Variants in ADCY1 observed in about 807,000 individuals in gnomAD.
The protein encoded by ADCY1 is adenylate cyclase 1, also known as adenylate cyclase type 1.
In ADCY1, 28 loss-of-function variants were observed where a neutral mutation model predicts 105.4. That is an observed-to-expected ratio of 0.27 (90% CI 0.20 to 0.36). The LOEUF (loss-of-function observed/expected upper bound fraction) is 0.36. Among genes scored for constraint, ADCY1 ranks in the 10% least tolerant of loss-of-function variants. The pLI is 1.00. For synonymous variants in ADCY1, 655 were observed against 623.8 expected, an observed-to-expected ratio of 1.05 and a Z score of -0.75; for missense variants, 977 against 1,434.2, an observed-to-expected ratio of 0.68 and a Z score of 5.15.
chr7:45,703,597 C>A lies in ADCY1; in HGVS notation c.2572-3C>A. On this transcript the variant is annotated splice_polypyrimidine_tract_variant and splice_region_variant and intron_variant, in intron 15 of 19. Coordinates refer to ENST00000297323, the MANE Select transcript of ADCY1 (RefSeq NM_021116.4). This position sits in a 1 kb window ranked among gnomAD's most constrained non-coding sequence, Gnocchi z 5.9. ...CTTCCTGACCCATCCTTTGAACTTC[C>A]AGGACCTCTACTACCAGTCCTACTC... is the stretch of plus-strand genomic sequence containing the variant. The A allele has an allele frequency of 6.2e-7, 1 of 1,611,554 alleles. No individual in the cohort carries two copies. The highest frequency in any genetic ancestry group is 1.1e-5 in the South Asian group (1 of 90,634).
chr7:45,711,918 A>ATTATATTAAATATATAAATATAT (rs1785252728), intron 19 of ADCY1, among the ~76,000 whole-genome samples: 2 of 109,760 alleles, frequency 1.8e-5, no homozygotes, highest in African/African-American at 3.6e-5. Flanking sequence ...ATATAAATAT[A>ATTATATTAAATATATAAATATAT]TTATATATTA....
In ADCY1 at chr7:45,713,699, G is replaced by A. The variant is rs1785308965; in HGVS notation, c.3064G>A (p.Glu1022Lys). The change falls in exon 20 of 20, where the codon GAG becomes AAG. Residue 1022 changes from glutamate to lysine, a missense_variant. Physicochemically the swap from Glu to Lys is moderately conservative, Grantham distance 56 (BLOSUM62 1). Coordinates refer to ENST00000297323, the MANE Select transcript of ADCY1 (RefSeq NM_021116.4). ...CACTTCTCTCCATCAACAGGTGACTGAGGAAGTCCACCGGCTGCTGAGAAG... is the reference window on the plus strand; with the variant it reads ...CACTTCTCTCCATCAACAGGTGACTAAGGAAGTCCACCGGCTGCTGAGAAG... ...TGVQGRIQVTEEVHRLLRRCP... is the reference protein window; with the variant it reads ...TGVQGRIQVTKEVHRLLRRCP... The A allele has an allele frequency of 1.3e-6, 1 of 779,894 alleles. No individual in the cohort carries two copies. The allele number at this position is 779,894 out of a possible 1,614,324, so 48.3% of individuals were successfully genotyped here.
intron 19 of ADCY1, 34 bp from the exon 20 acceptor site, chr7:45,713,659 C>A: frequency 2.6e-6 from 2 of 762,916 alleles, no homozygotes; most frequent in Non-Finnish European, 2.4e-6. Context: ...CCCCTCATTG[C>A]CCTGAAGTAA....
At chr7:45,632,776 C>T (rs893039421) in intron 4 of ADCY1, among the ~76,000 whole-genome samples, 5 of 151,814 alleles carry the variant, frequency 3.3e-5, no homozygotes, top group African/African-American at 1.2e-4. Flanking sequence ...CACCATGTTG[C>T]CCAGGCTGGT....
At chr7:45,600,231 AGAT>A (rs1793192728) in intron 2 of ADCY1, among the ~76,000 whole-genome samples, 1 of 152,252 alleles carries the variant, frequency 6.6e-6, no homozygotes, top group East Asian at 1.9e-4. Flanking sequence ...CCTGGCTCTC[AGAT>A]GATTAGGGAA....
In ADCY1 at chr7:45,719,372, A is replaced by G. The variant is rs1167720025; in HGVS notation, c.*5377A>G. On this transcript the variant is annotated 3_prime_UTR_variant, in exon 20 of 20. Coordinates refer to ENST00000297323, the MANE Select transcript of ADCY1 (RefSeq NM_021116.4). ...TTCTGTTTGTTCATACACTTAGTGA[A>G]AGCAGATCCTGTACTAGGATGTGAG... 6.6e-6 allele frequency: 1 copy of G among 152,238 alleles called. No individual in the cohort carries two copies. The highest frequency in any genetic ancestry group is 2.4e-5 in the African/African-American group (1 of 41,450). The allele number at this position is 152,238 out of a possible 1,614,324, so 9.4% of individuals were successfully genotyped here. A position where few individuals can be genotyped will look rare whatever the true frequency, so the allele number is the denominator to read the frequency against.
At chr7:45,611,296 CGTGT>C (rs1793585664) in intron 3 of ADCY1, among the ~76,000 whole-genome samples, 1 of 151,882 alleles carries the variant, frequency 6.6e-6, no homozygotes, top group African/African-American at 2.4e-5. Flanking sequence ...ACAGGTCCTA[CGTGT>C]AGGGGGCTCT....
Position 45,647,437 on chromosome 7 carries a change from A to G in ADCY1, c.1021-1233A>G, listed in dbSNP as rs568798435. On this transcript the variant is annotated intron_variant, in intron 4 of 19. Coordinates refer to ENST00000297323, the MANE Select transcript of ADCY1 (RefSeq NM_021116.4). This position sits in a 1 kb window ranked among gnomAD's most constrained non-coding sequence, Gnocchi z 4.6. Reference sequence around the variant, plus strand: ...CGACAGGACCTGCAGGGCCCCAGTCATTTGTAAGAAACCAAAGGATCACAT... The same window carrying G: ...CGACAGGACCTGCAGGGCCCCAGTCGTTTGTAAGAAACCAAAGGATCACAT... Among the ~76,000 whole-genome samples, 42 of 152,352 alleles carry G rather than the reference A, an allele frequency of 2.8e-4. 1 individual carries two copies. The South Asian group carries it at 8.1e-3, about 29-fold the overall frequency.
rs762465195 is a variant in ADCY1, at chr7:45,611,743, TGA to T, written c.908+1248_908+1249del. ...CAAGTATAGTGTGCTTAGAATGGTT[TGA>T]GTGTTGCCTATTTGGGATTAATGCT... On this transcript the variant is annotated intron_variant, in intron 3 of 19. Coordinates refer to ENST00000297323, the MANE Select transcript of ADCY1 (RefSeq NM_021116.4). 4.7e-4 allele frequency among the ~76,000 whole-genome samples: 72 copies of T among 152,280 alleles called. 1 individual carries two copies. The highest frequency in any genetic ancestry group is 2.1e-4 in the South Asian group (1 of 4,818).
At chr7:45,701,246 C>T (rs2116253258) in intron 14 of ADCY1, among the ~76,000 whole-genome samples, 1 of 152,122 alleles carries the variant, frequency 6.6e-6, no homozygotes, top group East Asian at 1.9e-4. Flanking sequence ...CTGCTTGGTT[C>T]GTGAAAATAA....
intron 14 of ADCY1, among the ~76,000 whole-genome samples, chr7:45,690,147 C>T (rs987170363): frequency 1.3e-5 from 2 of 152,248 alleles, no homozygotes; most frequent in East Asian, 1.9e-4. Flanking sequence ...GAGGGCACCT[C>T]GGAAGTGGTC....
chr7:45,654,321 C>G lies in ADCY1; in HGVS notation c.1149-3406C>G, dbSNP rs529218110. Among the ~76,000 whole-genome samples the G allele has an allele frequency of 5.3e-5, 8 of 152,280 alleles. No homozygotes were observed. The South Asian group carries it at 1.7e-3, about 32-fold the overall frequency. On this transcript the variant is annotated intron_variant, in intron 5 of 19. Coordinates refer to ENST00000297323, the MANE Select transcript of ADCY1 (RefSeq NM_021116.4). ...TCCACATGACCACCAAGTATGCAAG[C>G]CACCATTTTTGCTAAATAGACTCAA... is the stretch of plus-strand genomic sequence containing the variant.
In ADCY1 at chr7:45,685,932, G is replaced by T. The variant is rs770349689; in HGVS notation, c.2074-30G>T. Reference sequence around the variant, plus strand: ...GGCTGCAGGTCTTCACCTGCCCTTTGCTAAGCCCCTGTGACCCCTCCCTTC... The same window carrying T: ...GGCTGCAGGTCTTCACCTGCCCTTTTCTAAGCCCCTGTGACCCCTCCCTTC... On this transcript the variant is annotated intron_variant, in intron 12 of 19. Transcript: ENST00000297323. 1.9e-6 allele frequency: 3 copies of T among 1,596,666 alleles called. No individual in the cohort carries two copies. In the South Asian group the frequency reaches 3.4e-5, roughly 18 times the overall value.
intron 14 of ADCY1, among the ~76,000 whole-genome samples, chr7:45,693,805 A>G (rs1457395503): frequency 4.2e-5 from 6 of 143,726 alleles, no homozygotes; most frequent in Non-Finnish European, 7.5e-5. Context: ...ATGAGTTCAT[A>G]TCCTTTGTAG....
chr7:45,638,196 C>T (rs910559835), intron 4 of ADCY1, among the ~76,000 whole-genome samples: 2 of 152,206 alleles, frequency 1.3e-5, no homozygotes, highest in African/African-American at 4.8e-5. Context: ...TCCTCCTCTT[C>T]CTCCTTCGGG....
At position 45,593,242 on chromosome 7, in the gene ADCY1, C is replaced by T. The variant is rs565385632; in HGVS notation, c.789+334C>T. 6.6e-5 allele frequency among the ~76,000 whole-genome samples: 10 copies of T among 152,304 alleles called. No homozygotes were observed. The South Asian group carries it at 1.5e-3, about 22-fold the overall frequency. ...TGGCTGGGCCTCGGATGAATGTGAC[C>T]GTGCAGGTGGCCCTGATCCACTGGC... On this transcript the variant is annotated intron_variant, in intron 2 of 19. Coordinates refer to ENST00000297323, the MANE Select transcript of ADCY1 (RefSeq NM_021116.4).
intron 19 of ADCY1, among the ~76,000 whole-genome samples, chr7:45,712,236 TA>T (rs1785273940): frequency 3.6e-5 from 5 of 139,794 alleles, no homozygotes; most frequent in Non-Finnish European, 7.6e-5. Context: ...TATATAAATA[TA>T]TATATACTTA....
chr7:45,679,609 C>A, intron 10 of ADCY1, 100 bp from the exon 11 acceptor site: 1 of 1,150,112 alleles, frequency 8.7e-7, no homozygotes, highest in Non-Finnish European at 1.3e-6. Flanking sequence ...CTCCTGAGAG[C>A]ACAGGGGATG....
intron 1 of ADCY1, among the ~76,000 whole-genome samples, chr7:45,586,712 G>A (rs1792735989): frequency 6.6e-6 from 1 of 152,240 alleles, no homozygotes; most frequent in South Asian, 2.1e-4. Flanking sequence ...ACTGAGTGGT[G>A]TCCACTGGGG....
Sources: gnomAD v4.1 joint callset for allele counts (sites outside exome capture counted in the v4.1 genomes callset) on GRCh38, gnomAD v4.1.1 for gene constraint, Gnocchi (gnomAD v3.1) non-coding constraint, MANE v1.5 for transcripts, NCBI Gene and HGNC (gene_info 2026-07-23, HGNC 2026-07-21) for gene names.